RP1L1: variants seen among roughly 807,000 people sequenced by gnomAD.
RP1L1 encodes RP1 like 1.
Under a neutral mutation model 15.7 loss-of-function variants are expected in RP1L1, and 27 were observed. The observed-to-expected ratio is 1.72, with a 90% CI of 1.27 to 2.38. The LOEUF (loss-of-function observed/expected upper bound fraction) is 2.38, where lower values mean the gene tolerates loss of function less well. RP1L1 is among the 30% of genes most tolerant of loss of function. RP1L1 has a pLI of 0.00. For missense variants in RP1L1, 4,798 were observed against 3,075.9 expected, an observed-to-expected ratio of 1.56 and a Z score of -13.24; for synonymous variants, 1,813 against 1,276.7, an observed-to-expected ratio of 1.42 and a Z score of -8.96.
At chr8:10,617,840 G>C (rs1797995406) in intron 2 of RP1L1, among the ~76,000 whole-genome samples, 1 of 152,170 alleles carries the variant, frequency 6.6e-6, no homozygotes, top group Non-Finnish European at 1.5e-5. Context: ...ACAGGCGTGA[G>C]CCACTGCACC....
Position 10,606,382 on chromosome 8 carries a change from C to G in RP1L1, c.*513G>C, listed in dbSNP as rs181865746. 535 of 154,126 alleles carry G rather than the reference C, an allele frequency of 3.5e-3. 2 individuals carry two copies. The highest frequency in any genetic ancestry group is 0.012 in the African/African-American group (496 of 41,558). The allele number at this position is 154,126 out of a possible 1,614,324, so 9.5% of individuals were successfully genotyped here. ...TGAGAACAAACTTTATCCAATGACT[C>G]TGAAGTTACCTGCTTTGCCCAAGTA... On this transcript the variant is annotated 3_prime_UTR_variant, in exon 4 of 4. Coordinates refer to ENST00000382483, the MANE Select transcript of RP1L1 (RefSeq NM_178857.6).
chr8:10,607,602 C>T lies in RP1L1; in HGVS notation c.6496G>A (p.Ala2166Thr). 1 of 1,589,568 alleles carries T rather than the reference C, an allele frequency of 6.3e-7. No individual in the cohort carries two copies. The highest frequency in any genetic ancestry group is 8.6e-7 in the Non-Finnish European group (1 of 1,164,872). The change falls in exon 4 of 4, where the codon GCC (alanine) becomes ACC (threonine). Residue 2166 changes from alanine to threonine, a missense_variant. Coordinates refer to ENST00000382483, the MANE Select transcript of RP1L1 (RefSeq NM_178857.6). ...EAQPESEGIE[A>T]QEAEEEAQPE... The stretch of plus-strand genomic sequence containing the variant: ...TGGGCCTCCTCTTCAGCCTCCTGGG[C>T]CTCTATACCTTCTGACTCTGGCTGG...
chr8:10,636,965 G>T (rs1024467804), intron 1 of RP1L1, among the ~76,000 whole-genome samples: 2 of 152,212 alleles, frequency 1.3e-5, no homozygotes, highest in East Asian at 3.9e-4. Flanking sequence ...AACCTTCCCT[G>T]CCCTGAGGCC....
At chr8:10,651,626 G>A (rs1048899366) in intron 1 of RP1L1, among the ~76,000 whole-genome samples, 1 of 151,922 alleles carries the variant, frequency 6.6e-6, no homozygotes, top group Non-Finnish European at 1.5e-5. Flanking sequence ...ACAGGAGGCT[G>A]AGGCAGGAGA....
rs935596637 is a variant in RP1L1, at chr8:10,611,192, A to G, written c.2906T>C (p.Ile969Thr). 2.5e-6 allele frequency: 4 copies of G among 1,612,912 alleles called. No individual in the cohort carries two copies. The highest frequency in any genetic ancestry group is 3.4e-6 in the Non-Finnish European group (4 of 1,180,012). The change falls in exon 4 of 4, where the codon ATA becomes ACA. Residue 969 changes from isoleucine (I) to threonine (T), a missense_variant. Physicochemically the swap from Ile to Thr is moderately conservative, Grantham distance 89. Coordinates refer to ENST00000382483, the MANE Select transcript of RP1L1 (RefSeq NM_178857.6). ...EWLDNIPEEP[I>T]LMTYELADET... is the part of the protein sequence containing the mutation. Reference sequence around the variant, plus strand: ...GTCCGCCAACTCATATGTCATGAGTATGGGCTCTTCTGGAATGTTGTCCAG... The same window carrying G: ...GTCCGCCAACTCATATGTCATGAGTGTGGGCTCTTCTGGAATGTTGTCCAG...
In RP1L1 at chr8:10,610,588, T is replaced by C. The variant is rs1371498457; in HGVS notation, c.3510A>G (p.Ser1170=). 1 of 1,613,602 alleles carries C rather than the reference T, an allele frequency of 6.2e-7. No homozygotes were observed. The highest frequency in any genetic ancestry group is 8.5e-7 in the Non-Finnish European group (1 of 1,180,026). Reference sequence around the variant, plus strand: ...GGCTCCATGTGAGCTCCCAGAGGCCTGAGTCCAGCTGGTCTTCCCCAACGT... The same window carrying C: ...GGCTCCATGTGAGCTCCCAGAGGCCCGAGTCCAGCTGGTCTTCCCCAACGT... ...GCDVGEDQLD[S]GLWELTWSQA... The change falls in exon 4 of 4, where the codon TCA becomes TCG. Residue 1170 remains serine, a synonymous_variant. Coordinates refer to ENST00000382483, the MANE Select transcript of RP1L1 (RefSeq NM_178857.6).
chr8:10,633,925 G>T (rs1798290867), intron 1 of RP1L1, among the ~76,000 whole-genome samples: 1 of 152,158 alleles, frequency 6.6e-6, no homozygotes, highest in Admixed American at 6.5e-5. Flanking sequence ...GACGTGAGGG[G>T]AACCCAGGCT....
At position 10,606,758 on chromosome 8, in the gene RP1L1, TGTCCTTGGCAA is replaced by T; in HGVS notation, c.*126_*136del. On this transcript the variant is annotated 3_prime_UTR_variant, in exon 4 of 4. Coordinates refer to ENST00000382483, the MANE Select transcript of RP1L1 (RefSeq NM_178857.6). ...TCCCAGGACAGCATGGCATGGGCTGTGTCCTTGGCAAGTCCTTGGTCTTTGTCCATGTACTA... is the reference window on the plus strand; with the variant it reads ...TCCCAGGACAGCATGGCATGGGCTGTGTCCTTGGTCTTTGTCCATGTACTA... 7.0e-7 allele frequency: 1 copy of T among 1,434,424 alleles called. No individual in the cohort carries two copies. Among genetic ancestry groups the T allele is most frequent in the Non-Finnish European group, 9.4e-7 (1 of 1,065,216 alleles). The allele number at this position is 1,434,424 out of a possible 1,614,324, so 88.9% of individuals were successfully genotyped here.
chr8:10,616,083 T>G (rs979140443), intron 3 of RP1L1, among the ~76,000 whole-genome samples: 29 of 150,744 alleles, frequency 1.9e-4, no homozygotes, highest in African/African-American at 6.3e-4. Context: ...TTTTTTGTAT[T>G]TTTTTTTTAG....
chr8:10,648,472 C>A (rs1798512616), intron 1 of RP1L1, among the ~76,000 whole-genome samples: 1 of 152,164 alleles, frequency 6.6e-6, no homozygotes, highest in Non-Finnish European at 1.5e-5. Context: ...GTCTGACACA[C>A]AAGTAGGCTT....
intron 2 of RP1L1, among the ~76,000 whole-genome samples, chr8:10,619,215 C>T (rs1217175090): frequency 6.6e-6 from 1 of 152,188 alleles, no homozygotes; most frequent in African/African-American, 2.4e-5. Flanking sequence ...TCCTGAACTC[C>T]CTTGCAGCTT....
chr8:10,649,172 T>G (rs1165258937), intron 1 of RP1L1, among the ~76,000 whole-genome samples: 29 of 152,192 alleles, frequency 1.9e-4, no homozygotes, highest in Non-Finnish European at 5.9e-5. Context: ...AGCGTGAGAT[T>G]CAAACAACCC....
chr8:10,612,527 C>G lies in RP1L1; in HGVS notation c.1571G>C (p.Arg524Thr). 6.2e-7 allele frequency: 1 copy of G among 1,611,010 alleles called. No individual in the cohort carries two copies. Among genetic ancestry groups the G allele is most frequent in the Non-Finnish European group, 8.5e-7 (1 of 1,179,586 alleles). The change falls in exon 4 of 4, where the codon AGG (arginine) becomes ACG (threonine). Residue 524 changes from arginine (R) to threonine (T), a missense_variant. Coordinates refer to ENST00000382483, the MANE Select transcript of RP1L1 (RefSeq NM_178857.6). Reference sequence around the variant, plus strand: ...AGAAGCCCCCTCCTCACTCCGGGCCCTCGGTGTCAGGCGGCCGCCTTGCTC... The same window carrying G: ...AGAAGCCCCCTCCTCACTCCGGGCCGTCGGTGTCAGGCGGCCGCCTTGCTC... Reference protein sequence around the residue: ...GPEQGGRLTPRARSEEGASSD... With the variant: ...GPEQGGRLTPTARSEEGASSD...
chr8:10,647,828 C>T (rs1027027441), intron 1 of RP1L1, among the ~76,000 whole-genome samples: 2 of 152,194 alleles, frequency 1.3e-5, no homozygotes, highest in African/African-American at 2.4e-5. Flanking sequence ...TTTCAAGACC[C>T]TGTTTTCAAT....
At chr8:10,650,883 A>G (rs1043320382) in intron 1 of RP1L1, among the ~76,000 whole-genome samples, 5 of 152,142 alleles carry the variant, frequency 3.3e-5, no homozygotes, top group African/African-American at 7.2e-5. Context: ...GTAGTTCTTT[A>G]CACTTCGCAA....
intron 1 of RP1L1, among the ~76,000 whole-genome samples, chr8:10,641,366 C>G (rs562457278): frequency 4.6e-5 from 7 of 152,340 alleles, no homozygotes; most frequent in African/African-American, 1.7e-4. Flanking sequence ...TCTGGACTGA[C>G]AGTGACCTTG....
intron 1 of RP1L1, among the ~76,000 whole-genome samples, chr8:10,639,454 C>T (rs1703886241): frequency 1.3e-5 from 2 of 152,116 alleles, no homozygotes; most frequent in South Asian, 2.1e-4. Context: ...CTCACTGCAG[C>T]CTCAAACTCC....
rs1013653928 is a variant in RP1L1 at position 10,606,942 on chromosome 8, C to A, written c.7156G>T (p.Ala2386Ser). The change falls in exon 4 of 4, where the codon GCA (alanine) becomes TCA (serine). Residue 2386 changes from alanine to serine, a missense_variant. Ala to Ser is a moderately conservative substitution (Grantham distance 99). Transcript: ENST00000382483. Reference sequence around the variant, plus strand: ...CCAAAGCCGTCTGCCCTGCCCACTGCCTCAGTGGGGGCGAGACTTCCGAGT... The same window carrying A: ...CCAAAGCCGTCTGCCCTGCCCACTGACTCAGTGGGGGCGAGACTTCCGAGT... ...QALGSLAPTE[A>S]VGRADGFGQD... is the part of the protein sequence containing the mutation. The A allele has an allele frequency of 1.2e-6, 2 of 1,614,236 alleles. No individual in the cohort carries two copies. The highest frequency in any genetic ancestry group is 1.7e-6 in the Non-Finnish European group (2 of 1,180,046).
At chr8:10,618,652 A>ACAG (rs1798009663) in intron 2 of RP1L1, among the ~76,000 whole-genome samples, 1 of 152,168 alleles carries the variant, frequency 6.6e-6, no homozygotes, top group South Asian at 2.1e-4. Context: ...AGATTGGGCC[A>ACAG]CAGCACTCCA....
Sources: allele counts gnomAD v4.1 joint callset (sites outside exome capture counted in the v4.1 genomes callset), GRCh38; gene constraint gnomAD v4.1.1; transcripts MANE v1.5; gene names NCBI Gene and HGNC (gene_info 2026-07-23, HGNC 2026-07-21).